Variants in CYSTM1 observed in about 807,000 individuals in gnomAD.
CYSTM1 encodes the protein cysteine-rich transmembrane module-containing protein 1.
CYSTM1 carries 4 observed loss-of-function variants against 13.1 expected under a neutral mutation model. The observed-to-expected ratio is 0.31, with a 90% CI of 0.15 to 0.70. CYSTM1 has a LOEUF of 0.70. Among genes scored for constraint, CYSTM1 ranks in the 30% least tolerant of loss-of-function variants. The probability of loss-of-function intolerance (pLI) is 0.72; values close to 1 mark genes in which losing one functional copy is unlikely to be tolerated. For synonymous variants in CYSTM1, 36 were observed against 42.7 expected, an observed-to-expected ratio of 0.84 and a Z score of 0.62; for missense variants, 96 against 121.6, an observed-to-expected ratio of 0.79 and a Z score of 0.99.
chr5:140,197,936 C>T (rs533346724), intron 2 of CYSTM1, among the ~76,000 whole-genome samples: 44 of 152,254 alleles, frequency 2.9e-4, no homozygotes, highest in African/African-American at 1.0e-3. Context: ...CTTCCTTGGT[C>T]ATCTGTTTAT....
intron 2 of CYSTM1, among the ~76,000 whole-genome samples, chr5:140,196,892 G>C (rs1461853355): frequency 6.6e-6 from 1 of 152,192 alleles, no homozygotes. Context: ...TTATTCATTG[G>C]GTTAGGAACA....
chr5:140,237,678 G>A (rs891095268), intron 2 of CYSTM1, among the ~76,000 whole-genome samples: 1 of 152,174 alleles, frequency 6.6e-6, no homozygotes, highest in Non-Finnish European at 1.5e-5. Flanking sequence ...TTGTCAGGCT[G>A]GTCCAGCATG....
intron 2 of CYSTM1, among the ~76,000 whole-genome samples, chr5:140,218,490 A>T (rs1367818990): frequency 6.6e-6 from 1 of 152,234 alleles, no homozygotes; most frequent in Non-Finnish European, 1.5e-5. Flanking sequence ...TGAAGAACCC[A>T]ATAAGGGAAT....
At chr5:140,189,045 T>C (rs1561809216) in intron 1 of CYSTM1, among the ~76,000 whole-genome samples, 2 of 152,220 alleles carry the variant, frequency 1.3e-5, no homozygotes, top group African/African-American at 2.4e-5. Context: ...TAAATTTGTT[T>C]TGGTATCTTT....
At position 140,219,781 on chromosome 5, in the gene CYSTM1, A is replaced by T. The variant is rs1261976806; in HGVS notation, c.188-23524A>T. Among the ~76,000 whole-genome samples, 1 of 152,216 alleles carries T rather than the reference A, an allele frequency of 6.6e-6. No homozygotes were observed. The highest frequency in any genetic ancestry group is 1.5e-5 in the Non-Finnish European group (1 of 68,026). On this transcript the variant is annotated intron_variant, in intron 2 of 2. Transcript: ENST00000261811. This position sits in a 1 kb window ranked among gnomAD's most constrained non-coding sequence, Gnocchi z 4.1. The stretch of plus-strand genomic sequence containing the variant: ...TACCTTCTTAGAAAATGCAGCAAGT[A>T]CTATTTGAATGAGACTCCTGGGCCA...
chr5:140,199,749 A>G (rs1467374323), intron 2 of CYSTM1, among the ~76,000 whole-genome samples: 2 of 152,200 alleles, frequency 1.3e-5, no homozygotes, highest in Admixed American at 1.3e-4. Flanking sequence ...GGCCTCCCAA[A>G]GTGCTGGGAT....
In CYSTM1 at chr5:140,243,703, T is replaced by C. The variant is rs1764780976; in HGVS notation, c.*292T>C. 3.9e-6 allele frequency: 1 copy of C among 254,144 alleles called. No individual in the cohort carries two copies. Among genetic ancestry groups the C allele is most frequent in the African/African-American group, 2.3e-5 (1 of 44,150 alleles). 15.7% of individuals were successfully genotyped at this position (254,144 alleles called of 1,614,324 possible). A position where few individuals can be genotyped will look rare whatever the true frequency, so the allele number is the denominator to read the frequency against. ...TAATTTTTAAATTATACATTCAAGG[T>C]AGTGGCCAAATGTAACACATCAATC... On this transcript the variant is annotated 3_prime_UTR_variant, in exon 3 of 3. Transcript: ENST00000261811.
intron 2 of CYSTM1, among the ~76,000 whole-genome samples, chr5:140,210,535 A>T (rs541546863): frequency 3.1e-4 from 47 of 150,674 alleles, no homozygotes; most frequent in African/African-American, 1.1e-3. Flanking sequence ...TTTTTTTGAA[A>T]TAGGGTCTTG....
chr5:140,177,079 A>AC (rs1288055869), intron 1 of CYSTM1, among the ~76,000 whole-genome samples: 7 of 119,710 alleles, frequency 5.8e-5, no homozygotes, highest in African/African-American at 2.0e-4. Context: ...AAAAAAAAAA[A>AC]AAAAAAAATC....
chr5:140,189,747 C>T (rs1375881403), intron 1 of CYSTM1, among the ~76,000 whole-genome samples: 1 of 152,094 alleles, frequency 6.6e-6, no homozygotes, highest in Non-Finnish European at 1.5e-5. Context: ...TTTGAACATT[C>T]TTGTAAAAGT....
At chr5:140,233,706 T>G (rs1764645570) in intron 2 of CYSTM1, among the ~76,000 whole-genome samples, 1 of 152,242 alleles carries the variant, frequency 6.6e-6, no homozygotes, top group African/African-American at 2.4e-5. Context: ...TCATTGTGGT[T>G]TTAATTTGTG....
At position 140,230,312 on chromosome 5, in the gene CYSTM1, A is replaced by G. The variant is rs530372724; in HGVS notation, c.188-12993A>G. On this transcript the variant is annotated intron_variant, in intron 2 of 2. Coordinates refer to ENST00000261811, the MANE Select transcript of CYSTM1 (RefSeq NM_032412.4). This position sits in a 1 kb window ranked among gnomAD's most constrained non-coding sequence, Gnocchi z 4.1. Reference sequence around the variant, plus strand: ...TCACTGCCTGATGTGCTAGAAGCCAATTCCATGACACTGGGTTTTTGAGAA... The same window carrying G: ...TCACTGCCTGATGTGCTAGAAGCCAGTTCCATGACACTGGGTTTTTGAGAA... 9.8e-5 allele frequency among the ~76,000 whole-genome samples: 15 copies of G among 152,348 alleles called. No individual in the cohort carries two copies. The highest frequency in any genetic ancestry group is 1.6e-4 in the Non-Finnish European group (11 of 68,036).
chr5:140,195,445 T>A (rs1198043069), intron 2 of CYSTM1, among the ~76,000 whole-genome samples: 2 of 147,292 alleles, frequency 1.4e-5, no homozygotes, highest in African/African-American at 5.0e-5. Context: ...TCAGCTTTTT[T>A]TTTTTTTTTT....
At chr5:140,204,721 G>T (rs907548993) in intron 2 of CYSTM1, among the ~76,000 whole-genome samples, 1 of 152,016 alleles carries the variant, frequency 6.6e-6, no homozygotes, top group Non-Finnish European at 1.5e-5. Flanking sequence ...TCTCAAAGAC[G>T]TTTTTTTCTT....
chr5:140,180,451 G>A (rs1763949968), intron 1 of CYSTM1, among the ~76,000 whole-genome samples: 1 of 152,188 alleles, frequency 6.6e-6, no homozygotes, highest in Non-Finnish European at 1.5e-5. Context: ...CTTGGCCAAG[G>A]CTACTAATTG....
chr5:140,227,112 T>C (rs1394508192), intron 2 of CYSTM1, among the ~76,000 whole-genome samples: 1 of 152,194 alleles, frequency 6.6e-6, no homozygotes, highest in Non-Finnish European at 1.5e-5. Context: ...TCCTCAAGGC[T>C]GTGCATAGGC....
At chr5:140,198,147 A>G (rs1187614108) in intron 2 of CYSTM1, among the ~76,000 whole-genome samples, 1 of 152,224 alleles carries the variant, frequency 6.6e-6, no homozygotes, top group Admixed American at 6.5e-5. Context: ...GTTGAGCACC[A>G]TGCTTGGTGT....
intron 1 of CYSTM1, among the ~76,000 whole-genome samples, chr5:140,194,065 A>G (rs1182062514): frequency 2.0e-5 from 3 of 152,220 alleles, no homozygotes; most frequent in African/African-American, 7.2e-5. Flanking sequence ...TCTTAAAGCT[A>G]TCCAATCACA....
intron 1 of CYSTM1, among the ~76,000 whole-genome samples, chr5:140,193,472 C>G (rs865795639): frequency 6.6e-6 from 1 of 152,096 alleles, no homozygotes; most frequent in African/African-American, 2.4e-5. Context: ...TTAGTAGAGA[C>G]GGGGTTTCAC....
Sources: allele counts gnomAD v4.1 joint callset (sites outside exome capture counted in the v4.1 genomes callset), GRCh38; gene constraint gnomAD v4.1.1; non-coding constraint Gnocchi (gnomAD v3.1); transcripts MANE v1.5; gene names NCBI Gene and HGNC (gene_info 2026-07-23, HGNC 2026-07-21).